The following CDH13 variants were observed in gnomAD, a reference collection of about 807,000 sequenced individuals.
The protein encoded by CDH13 is cadherin 13, also known as cadherin-13.
CDH13 carries 24 observed loss-of-function variants against 63.8 expected under a neutral mutation model. The ratio of observed to expected loss-of-function variants is 0.38; its 90% CI spans 0.27 to 0.53. The LOEUF is 0.53. Among genes scored for constraint, CDH13 ranks in the 20% least tolerant of loss-of-function variants. The probability of loss-of-function intolerance (pLI) is 0.85; values close to 1 mark genes in which losing one functional copy is unlikely to be tolerated. For missense variants in CDH13, 1,049 were observed against 903.1 expected (o/e 1.16, Z -2.07); for synonymous variants, 503 against 355.3 (o/e 1.42, Z -4.67).
At chr16:83,379,934 T>TAGAGAGAGAGAGAG (rs367543331) in intron 6 of CDH13, among the ~76,000 whole-genome samples, 3 of 86,676 alleles carry the variant, frequency 3.5e-5, no homozygotes, top group African/African-American at 4.0e-5. Context: ...TATATATATA[T>TAGAGAGAGAGAGAG]ATATAGAGAG....
intron 7 of CDH13, among the ~76,000 whole-genome samples, chr16:83,501,589 C>G (rs2074285330): frequency 6.6e-6 from 1 of 152,154 alleles, no homozygotes; most frequent in African/African-American, 2.4e-5. Flanking sequence ...TACATTAGGT[C>G]CATAACACTC....
chr16:83,755,884 T>C (rs182655079), intron 11 of CDH13, among the ~76,000 whole-genome samples: 268 of 152,128 alleles, frequency 1.8e-3, no homozygotes, highest in African/African-American at 6.0e-3. Flanking sequence ...GAAAGTTAAA[T>C]ATGTATAAAG....
intron 3 of CDH13, among the ~76,000 whole-genome samples, chr16:83,082,192 C>A (rs2033299643): frequency 6.6e-6 from 1 of 152,204 alleles, no homozygotes; most frequent in South Asian, 2.1e-4. Context: ...CACAGAAGTT[C>A]AGCTCGTAAC....
chr16:83,056,113 C>T lies in CDH13; in HGVS notation c.366+23895C>T, dbSNP rs79587421. ...AAACATATTAAAAGGTTTTTAGCATCACTAGTCATCAAGGAAATGCAAAGG... is the reference window on the plus strand; with the variant it reads ...AAACATATTAAAAGGTTTTTAGCATTACTAGTCATCAAGGAAATGCAAAGG... On this transcript the variant is annotated intron_variant, in intron 3 of 13. Coordinates refer to ENST00000567109, the MANE Select transcript of CDH13 (RefSeq NM_001257.5). Among the ~76,000 whole-genome samples, 1,126 of 152,230 alleles carry T rather than the reference C, an allele frequency of 7.4e-3. 24 individuals are homozygous for T. Among genetic ancestry groups the T allele is most frequent in the African/African-American group, 0.026 (1,087 of 41,550 alleles).
chr16:83,269,009 C>T (rs886819866), intron 5 of CDH13, among the ~76,000 whole-genome samples: 1 of 152,218 alleles, frequency 6.6e-6, no homozygotes, highest in Non-Finnish European at 1.5e-5. Flanking sequence ...ACAACTTGCT[C>T]AGCCTTAGCT....
chr16:82,774,535 A>G (rs1567520041), intron 1 of CDH13, among the ~76,000 whole-genome samples: 2 of 152,194 alleles, frequency 1.3e-5, no homozygotes, highest in Admixed American at 1.3e-4. Context: ...CCTTCAGAAA[A>G]AGAATTATTT....
intron 6 of CDH13, among the ~76,000 whole-genome samples, chr16:83,471,507 C>T (rs568864520): frequency 6.6e-6 from 1 of 152,250 alleles, no homozygotes; most frequent in African/African-American, 2.4e-5. Flanking sequence ...AACTTCTGAC[C>T]TCGTGATCCA....
intron 4 of CDH13, among the ~76,000 whole-genome samples, chr16:83,181,958 C>T (rs1331030493): frequency 6.6e-6 from 1 of 152,150 alleles, no homozygotes; most frequent in Non-Finnish European, 1.5e-5. Context: ...CCCATCTCTT[C>T]TATTAATTAG....
intron 7 of CDH13, among the ~76,000 whole-genome samples, chr16:83,535,435 G>C (rs1289176355): frequency 6.6e-6 from 1 of 152,208 alleles, no homozygotes; most frequent in Non-Finnish European, 1.5e-5. Context: ...GAAGAAGTTA[G>C]GAAGCTGTTG....
intron 5 of CDH13, among the ~76,000 whole-genome samples, chr16:83,243,285 A>G (rs188945769): frequency 1.3e-5 from 2 of 152,324 alleles, no homozygotes; most frequent in African/African-American, 4.8e-5. Flanking sequence ...ATGCACTTAC[A>G]GTTCCTCATG....
At chr16:82,780,415 A>G (rs900649295) in intron 1 of CDH13, among the ~76,000 whole-genome samples, 6 of 152,228 alleles carry the variant, frequency 3.9e-5, no homozygotes, top group African/African-American at 1.2e-4. Context: ...TTCAGTCATG[A>G]CAGTCCCCAT....
intron 3 of CDH13, among the ~76,000 whole-genome samples, chr16:83,109,406 C>A (rs924286596): frequency 6.6e-6 from 1 of 152,018 alleles, no homozygotes; most frequent in South Asian, 2.1e-4. Context: ...TGGGAAGGGC[C>A]GGATTTTCAG....
intron 1 of CDH13, among the ~76,000 whole-genome samples, chr16:82,701,974 C>G (rs150462176): frequency 6.6e-6 from 1 of 152,224 alleles, no homozygotes; most frequent in East Asian, 1.9e-4. Flanking sequence ...GTTCTTGGAG[C>G]AAGGACATGA....
intron 6 of CDH13, among the ~76,000 whole-genome samples, chr16:83,429,677 T>G (rs1269905382): frequency 6.6e-6 from 1 of 152,238 alleles, no homozygotes; most frequent in Non-Finnish European, 1.5e-5. Context: ...TCCTTAGAAC[T>G]TGTGCTCTGC....
intron 3 of CDH13, among the ~76,000 whole-genome samples, chr16:83,037,940 G>A (rs148876781): frequency 2.6e-4 from 40 of 152,258 alleles, no homozygotes; most frequent in African/African-American, 9.6e-4. Flanking sequence ...TATAATTTTG[G>A]AACCTCAGGA....
At chr16:83,154,462 G>T (rs986611539) in intron 4 of CDH13, among the ~76,000 whole-genome samples, 1 of 151,774 alleles carries the variant, frequency 6.6e-6, no homozygotes, top group African/African-American at 2.4e-5. Flanking sequence ...AGCTACTGTG[G>T]AGGCTGAGGC....
At chr16:83,379,938 T>TATATATATATATATATATATATAGAGAG in intron 6 of CDH13, among the ~76,000 whole-genome samples, 13 of 123,450 alleles carry the variant, frequency 1.1e-4, no homozygotes, top group African/African-American at 2.6e-4. Context: ...TATATATATA[T>TATATATATATATATATATATATAGAGAG]AGAGAGAGAG....
intron 3 of CDH13, among the ~76,000 whole-genome samples, chr16:83,037,283 G>A (rs1027438935): frequency 6.6e-6 from 1 of 152,080 alleles, no homozygotes; most frequent in African/African-American, 2.4e-5. Context: ...CTGCAGATAT[G>A]GGAACCTTGC....
chr16:83,591,549 C>A (rs2150736977), intron 7 of CDH13, among the ~76,000 whole-genome samples: 1 of 152,282 alleles, frequency 6.6e-6, no homozygotes, highest in South Asian at 2.1e-4. Flanking sequence ...ACCTCACAAA[C>A]CTTGACTCCA....
Sources: gnomAD v4.1 joint callset for allele counts (sites outside exome capture counted in the v4.1 genomes callset) on GRCh38, gnomAD v4.1.1 for gene constraint, MANE v1.5 for transcripts, NCBI Gene and HGNC (gene_info 2026-07-23, HGNC 2026-07-21) for gene names.